The following PHF3 variants were observed in gnomAD, a reference collection of about 807,000 sequenced individuals.
PHF3 encodes PHD finger protein 3.
A neutral mutation model predicts 178.4 loss-of-function variants in PHF3; 41 were observed. The observed-to-expected ratio is 0.23, with a 90% confidence interval of 0.18 to 0.30. The LOEUF is 0.30. Among genes scored for constraint, PHF3 ranks in the 10% least tolerant of loss-of-function variants. The pLI is 1.00. For synonymous variants in PHF3, 842 were observed against 800.5 expected (o/e 1.05, Z -0.88); for missense variants, 2,346 against 2,398.1 (o/e 0.98, Z 0.45).
In PHF3 at chr6:63,712,391, A is replaced by G. The variant is rs1168309532; in HGVS notation, c.4803A>G (p.Gln1601=). 10 of 1,613,824 alleles carry G rather than the reference A, an allele frequency of 6.2e-6. No homozygotes were observed. The African/African-American group carries it at 1.2e-4, about 19-fold the overall frequency. Residue 1601 remains glutamine (Q), a synonymous_variant, in exon 16 of 16, where the codon CAA becomes CAG. Transcript: ENST00000262043. ...KTLKRQLQED[Q]ENNLQDNQTS... is the part of the protein sequence containing the mutation. Reference sequence around the variant, plus strand: ...TAAAAAGACAGCTTCAGGAAGATCAAGAGAATAATTTGCAAGATAACCAGA... The same window carrying G: ...TAAAAAGACAGCTTCAGGAAGATCAGGAGAATAATTTGCAAGATAACCAGA...
chr6:63,706,720 A>C lies in PHF3; in HGVS notation c.3564-9A>C, dbSNP rs758697027. 2.5e-6 allele frequency: 4 copies of C among 1,611,596 alleles called. No homozygotes were observed. The highest frequency in any genetic ancestry group is 3.4e-6 in the Non-Finnish European group (4 of 1,178,904). ...GCTTGTCTTTAGGCTTTTTAATGTCATTTTCTAGTCCAGAGATGCCTGGAA... is the reference window on the plus strand; with the variant it reads ...GCTTGTCTTTAGGCTTTTTAATGTCCTTTTCTAGTCCAGAGATGCCTGGAA... On this transcript the variant is annotated splice_polypyrimidine_tract_variant and intron_variant, in intron 12 of 15. Coordinates refer to ENST00000262043, the MANE Select transcript of PHF3 (RefSeq NM_001370348.2).
chr6:63,664,609 A>G (rs1239077690), intron 2 of PHF3, among the ~76,000 whole-genome samples: 1 of 152,202 alleles, frequency 6.6e-6, no homozygotes, highest in Non-Finnish European at 1.5e-5. Flanking sequence ...ATGTTGAGCC[A>G]TAGATAAAAT....
rs755979578 is a variant in PHF3, at chr6:63,700,475, A to G, written c.3099+9A>G. On this transcript the variant is annotated intron_variant, in intron 9 of 15. Coordinates refer to ENST00000262043, the MANE Select transcript of PHF3 (RefSeq NM_001370348.2). ...GAAGAGAAAACAGACATGTAAGATT[A>G]TCTATAAATATGCATTTGACTATCA... 1 of 1,331,710 alleles carries G rather than the reference A, an allele frequency of 7.5e-7. No individual in the cohort carries two copies. Among genetic ancestry groups the G allele is most frequent in the Non-Finnish European group, 1.1e-6 (1 of 933,010 alleles). The allele number at this position is 1,331,710 out of a possible 1,614,324, so 82.5% of individuals were successfully genotyped here. A position where few individuals can be genotyped will look rare whatever the true frequency, so the allele number is the denominator to read the frequency against.
chr6:63,660,193 A>C (rs1325820770), intron 2 of PHF3, among the ~76,000 whole-genome samples: 1 of 152,092 alleles, frequency 6.6e-6, no homozygotes, highest in Admixed American at 6.6e-5. Context: ...TTAGACAGAA[A>C]AATAGTCATT....
At position 63,680,116 on chromosome 6, in the gene PHF3, A is replaced by G. The variant is rs1175435002; in HGVS notation, c.361A>G (p.Asn121Asp). The G allele has an allele frequency of 1.9e-6, 3 of 1,611,098 alleles. No individual in the cohort carries two copies. Among genetic ancestry groups the G allele is most frequent in the Non-Finnish European group, 2.5e-6 (3 of 1,178,936 alleles). Residue 121 changes from asparagine to aspartate, a missense_variant, in exon 3 of 16, where the codon AAT (asparagine) becomes GAT (aspartate). By Grantham distance (23) the Asn-to-Asp change is conservative (BLOSUM62 1). This residue lies in a region of PHF3 where 843 missense variants were observed against 795.2 expected (regional missense o/e 1.06). Transcript: ENST00000262043. The stretch of plus-strand genomic sequence containing the variant: ...GAACTTAAGGGACAAGGTAGAAGAA[A>G]ATTCAGTGAGATCTCCAAGAAAATC... ...NRNLRDKVEE[N>D]SVRSPRKSPR...
Position 63,717,845 on chromosome 6 carries a change from C to A in PHF3, c.*4137C>A, listed in dbSNP as rs1582136956. On this transcript the variant is annotated 3_prime_UTR_variant, in exon 16 of 16. Coordinates refer to ENST00000262043, the MANE Select transcript of PHF3 (RefSeq NM_001370348.2). The stretch of plus-strand genomic sequence containing the variant: ...TCAAAGTAATGATTTTTTTCAGGAA[C>A]TTATTATTTATAAGGAGACCAAAAA... Among the ~76,000 whole-genome samples the A allele has an allele frequency of 1.3e-5, 2 of 151,910 alleles. No individual in the cohort carries two copies. The highest frequency in any genetic ancestry group is 3.4e-3 in the Middle Eastern group (1 of 294).
chr6:63,721,634 T>G lies in PHF3; in HGVS notation c.*7926T>G, dbSNP rs1403000124. On this transcript the variant is annotated 3_prime_UTR_variant, in exon 16 of 16. Coordinates refer to ENST00000262043, the MANE Select transcript of PHF3 (RefSeq NM_001370348.2). ...CCTTTTCTGTTACATTTATCCCATC[T>G]AGATCCAGGTAGCCTTCTGCACCAA... The G allele has an allele frequency of 6.4e-7, 1 of 1,551,252 alleles. No individual in the cohort carries two copies. The highest frequency in any genetic ancestry group is 8.7e-7 in the Non-Finnish European group (1 of 1,146,496).
Position 63,635,885 on chromosome 6 carries a change from C to G in PHF3, c.-291C>G, listed in dbSNP as rs1273640400. On this transcript the variant is annotated 5_prime_UTR_variant, in exon 1 of 16. Coordinates refer to ENST00000262043, the MANE Select transcript of PHF3 (RefSeq NM_001370348.2). ...GCTGCGGGGTCTCGCGCCGTCGCAC[C>G]GTCCCCACGCGGCAAGCGACCTTCG... The G allele has an allele frequency of 5.0e-6, 2 of 397,724 alleles. No individual in the cohort carries two copies. Among genetic ancestry groups the G allele is most frequent in the Non-Finnish European group, 8.9e-6 (2 of 225,546 alleles). The allele number at this position is 397,724 out of a possible 1,614,324, so 24.6% of individuals were successfully genotyped here. A position where few individuals can be genotyped will look rare whatever the true frequency, so the allele number is the denominator to read the frequency against.
At chr6:63,686,878 G>A (rs1766730799) in intron 4 of PHF3, among the ~76,000 whole-genome samples, 1 of 152,192 alleles carries the variant, frequency 6.6e-6, no homozygotes. Flanking sequence ...AAAGTGTGTT[G>A]TAACATATTA....
intron 4 of PHF3, among the ~76,000 whole-genome samples, chr6:63,689,144 G>A (rs1305543139): frequency 6.6e-6 from 1 of 152,094 alleles, no homozygotes; most frequent in African/African-American, 2.4e-5. Context: ...TACATCAAAG[G>A]TGTATGATTT....
Position 63,698,604 on chromosome 6 carries a change from A to T in PHF3, c.2981A>T (p.Asn994Ile). ...TTTAATTTGAAAGATCCTAAAAACA[A>T]TGTAAGTATGCTTTGTTCATATGTT... ...LMFNLKDPKN[N>I]ILFKKVLKGE... Residue 994 changes from asparagine (N) to isoleucine (I), a missense_variant and splice_region_variant, in exon 8 of 16, where the codon AAT (asparagine) becomes ATT (isoleucine). Physicochemically the swap from Asn to Ile is moderately radical, Grantham distance 149. This residue lies in a region of PHF3 where 45 missense variants were observed against 87.9 expected (regional missense o/e 0.51). Coordinates refer to ENST00000262043, the MANE Select transcript of PHF3 (RefSeq NM_001370348.2). The T allele has an allele frequency of 6.4e-7, 1 of 1,561,300 alleles. No homozygotes were observed. Among genetic ancestry groups the T allele is most frequent in the Non-Finnish European group, 8.6e-7 (1 of 1,156,150 alleles).
chr6:63,640,049 A>G (rs966644206), intron 1 of PHF3, among the ~76,000 whole-genome samples: 1 of 152,174 alleles, frequency 6.6e-6, no homozygotes, highest in Non-Finnish European at 1.5e-5. Context: ...GTCTTTGTGC[A>G]GCAGACACTT....
Position 63,723,750 on chromosome 6 carries a change from A to G in PHF3, c.*10042A>G, listed in dbSNP as rs1446358471. Among the ~76,000 whole-genome samples the G allele has an allele frequency of 6.6e-6, 1 of 151,178 alleles. No individual in the cohort carries two copies. The highest frequency in any genetic ancestry group is 1.5e-5 in the Non-Finnish European group (1 of 67,832). The stretch of plus-strand genomic sequence containing the variant: ...GACTTTTAAATTTCATTGCGTTAGG[A>G]TATGATGCTCTAGTTATGGGTCATA... On this transcript the variant is annotated 3_prime_UTR_variant, in exon 16 of 16. Transcript: ENST00000262043.
intron 14 of PHF3, among the ~76,000 whole-genome samples, chr6:63,710,680 G>A (rs1339265536): frequency 6.6e-6 from 1 of 152,058 alleles, no homozygotes; most frequent in Non-Finnish European, 1.5e-5. Context: ...TCTAAATTCA[G>A]TGCCTAGTAA....
At chr6:63,703,766 C>G (rs979606357) in intron 11 of PHF3, 95 bp downstream of exon 11, 25 of 1,230,350 alleles carry the variant, frequency 2.0e-5, no homozygotes, top group African/African-American at 3.1e-5. Flanking sequence ...TTTTGTTTTC[C>G]CAATATTGGT....
At chr6:63,650,576 G>A (rs1313214709) in intron 2 of PHF3, among the ~76,000 whole-genome samples, 1 of 152,150 alleles carries the variant, frequency 6.6e-6, no homozygotes, top group Non-Finnish European at 1.5e-5. Context: ...TGTAATATAT[G>A]TTAAGACTAG....
chr6:63,713,425 A>T lies in PHF3; in HGVS notation c.5837A>T (p.His1946Leu), dbSNP rs377497995. Reference sequence around the variant, plus strand: ...GAATGGGAGCAAGAATCTGAAAGGCATAGACGCAGAGACAGAAGCCAAGAC... The same window carrying T: ...GAATGGGAGCAAGAATCTGAAAGGCTTAGACGCAGAGACAGAAGCCAAGAC... ...EKEWEQESERHRRRDRSQDKD... is the reference protein window; with the variant it reads ...EKEWEQESERLRRRDRSQDKD... Residue 1946 changes from histidine to leucine, a missense_variant, in exon 16 of 16, where the codon CAT becomes CTT. Coordinates refer to ENST00000262043, the MANE Select transcript of PHF3 (RefSeq NM_001370348.2). The T allele has an allele frequency of 6.2e-7, 1 of 1,613,914 alleles. No homozygotes were observed. The highest frequency in any genetic ancestry group is 8.5e-7 in the Non-Finnish European group (1 of 1,179,982).
chr6:63,711,277 C>T lies in PHF3; in HGVS notation c.3912C>T (p.Asn1304=). 6.2e-7 allele frequency: 1 copy of T among 1,613,646 alleles called. No homozygotes were observed. The highest frequency in any genetic ancestry group is 1.7e-5 in the Admixed American group (1 of 59,980). Reference sequence around the variant, plus strand: ...AGCGCTATGGAGTAGCTGCTAACAACATGAAGCAGGTTAAAGATATGTACC... The same window carrying T: ...AGCGCTATGGAGTAGCTGCTAACAATATGAAGCAGGTTAAAGATATGTACC... ...SRKRYGVAAN[N]MKQVKDMYLI... Residue 1304 remains asparagine, a synonymous_variant, in exon 15 of 16, where the codon AAC becomes AAT. Coordinates refer to ENST00000262043, the MANE Select transcript of PHF3 (RefSeq NM_001370348.2).
Position 63,720,752 on chromosome 6 carries a change from A to G in PHF3, c.*7044A>G, listed in dbSNP as rs1768345480. 1.8e-5 allele frequency: 28 copies of G among 1,550,490 alleles called. No homozygotes were observed. Among genetic ancestry groups the G allele is most frequent in the Non-Finnish European group, 2.2e-5 (25 of 1,146,320 alleles). ...CTTGAGTAACGATATTTACCTTTCT[A>G]CCATATTCAAAGCCCCCTAGATAAC... On this transcript the variant is annotated 3_prime_UTR_variant, in exon 16 of 16. Coordinates refer to ENST00000262043, the MANE Select transcript of PHF3 (RefSeq NM_001370348.2).
Sources: allele counts gnomAD v4.1 joint callset (sites outside exome capture counted in the v4.1 genomes callset), GRCh38; gene constraint gnomAD v4.1.1; regional missense constraint gnomAD v4.1.1; transcripts MANE v1.5; gene names NCBI Gene and HGNC (gene_info 2026-07-23, HGNC 2026-07-21).